Variants in NMNAT2 observed in about 807,000 individuals in gnomAD.
NMNAT2 encodes the protein nicotinamide nucleotide adenylyltransferase 2.
Under a neutral mutation model 41.6 loss-of-function variants are expected in NMNAT2, and 11 were observed. That is an observed-to-expected ratio of 0.26 (90% CI 0.17 to 0.44). The LOEUF (loss-of-function observed/expected upper bound fraction) is 0.44, where lower values mean the gene tolerates loss of function less well. Ranked by LOEUF, NMNAT2 falls within the 20% of genes least tolerant of loss-of-function variation. NMNAT2 has a pLI of 1.00. For synonymous variants in NMNAT2, 148 were observed against 151.2 expected, an observed-to-expected ratio of 0.98 and a Z score of 0.16; for missense variants, 288 against 407.7, an observed-to-expected ratio of 0.71 and a Z score of 2.53.
intron 1 of NMNAT2, among the ~76,000 whole-genome samples, chr1:183,345,726 GC>G (rs1469443180): frequency 7.0e-6 from 1 of 143,168 alleles, no homozygotes; most frequent in Non-Finnish European, 1.5e-5. Flanking sequence ...TCACACTGTT[GC>G]CCAGGCTGGA....
chr1:183,256,381 C>T (rs890027895), intron 10 of NMNAT2, among the ~76,000 whole-genome samples: 2 of 151,884 alleles, frequency 1.3e-5, no homozygotes, highest in Admixed American at 6.6e-5. Context: ...TGCACTCCAG[C>T]CTGGGTGACA....
chr1:183,389,966 A>C (rs1379357196), intron 1 of NMNAT2, among the ~76,000 whole-genome samples: 1 of 151,638 alleles, frequency 6.6e-6, no homozygotes, highest in African/African-American at 2.4e-5. Flanking sequence ...TAAACTCTTA[A>C]CTATCTAAAA....
intron 1 of NMNAT2, among the ~76,000 whole-genome samples, chr1:183,295,883 T>G (rs570690765): frequency 4.0e-4 from 61 of 152,282 alleles, no homozygotes; most frequent in African/African-American, 1.4e-3. Context: ...AGTCTCGCTC[T>G]TGTCCCCTAA....
chr1:183,347,436 A>C (rs1245731278), intron 1 of NMNAT2, among the ~76,000 whole-genome samples: 1 of 152,174 alleles, frequency 6.6e-6, no homozygotes, highest in Non-Finnish European at 1.5e-5. Context: ...AGTCTGGGTG[A>C]CAGAGCAAGA....
chr1:183,261,167 A>G (rs762305553), intron 9 of NMNAT2, 35 bp downstream of exon 9: 3 of 1,608,260 alleles, frequency 1.9e-6, no homozygotes, highest in Non-Finnish European at 2.6e-6. Context: ...GAGAAGGGCC[A>G]TAACACAGAT....
intron 1 of NMNAT2, among the ~76,000 whole-genome samples, chr1:183,369,865 G>A (rs139256985): frequency 5.9e-5 from 9 of 152,122 alleles, no homozygotes; most frequent in African/African-American, 1.7e-4. Context: ...AATGAGAATG[G>A]CACTCTTCTT....
chr1:183,370,830 T>A (rs370505045), intron 1 of NMNAT2, among the ~76,000 whole-genome samples: 3 of 152,340 alleles, frequency 2.0e-5, no homozygotes, highest in Admixed American at 6.5e-5. Context: ...TGAACTTCTG[T>A]CCCTTGACTG....
rs185338013 is a variant in NMNAT2, at chr1:183,319,322, A to T, written c.86-25529T>A. ...CTGGAGGCATTTACACACCAGTCAG[A>T]CTTATAAACACCAGAGAATGACTTA... On this transcript the variant is annotated intron_variant, in intron 1 of 10. Transcript: ENST00000287713. 1.0e-4 allele frequency among the ~76,000 whole-genome samples: 16 copies of T among 152,386 alleles called. No individual in the cohort carries two copies. In the East Asian group the frequency reaches 2.3e-3, roughly 22 times the overall value.
chr1:183,375,265 C>G (rs1437750856), intron 1 of NMNAT2, among the ~76,000 whole-genome samples: 1 of 152,220 alleles, frequency 6.6e-6, no homozygotes, highest in Non-Finnish European at 1.5e-5. Flanking sequence ...CAGTGCTTCC[C>G]TTTATTTATC....
chr1:183,307,572 AGCTGGAATTAC>A (rs1388272621), intron 1 of NMNAT2, among the ~76,000 whole-genome samples: 1 of 151,968 alleles, frequency 6.6e-6, no homozygotes, highest in Non-Finnish European at 1.5e-5. Context: ...CTTACCAAGT[AGCTGGAATTAC>A]AGGCTCCCAC....
At chr1:183,320,154 C>T (rs1012128303) in intron 1 of NMNAT2, among the ~76,000 whole-genome samples, 1 of 152,176 alleles carries the variant, frequency 6.6e-6, no homozygotes, top group Non-Finnish European at 1.5e-5. Context: ...TGAGAATCTT[C>T]TGGGCTTAGA....
At chr1:183,330,633 A>G (rs1399843602) in intron 1 of NMNAT2, among the ~76,000 whole-genome samples, 2 of 152,232 alleles carry the variant, frequency 1.3e-5, no homozygotes, top group Non-Finnish European at 2.9e-5. Context: ...TTGGTGGGCT[A>G]TGCACGCCTC....
chr1:183,287,102 C>A (rs1455303228), intron 4 of NMNAT2, among the ~76,000 whole-genome samples: 1 of 152,086 alleles, frequency 6.6e-6, no homozygotes, highest in Non-Finnish European at 1.5e-5. Flanking sequence ...AACCATATAT[C>A]TGTCTTTTTC....
rs374144957 is a variant in NMNAT2 at position 183,248,891 on chromosome 1, A to AGAGTGT, written c.*3749_*3750insACACTC. ...CTTCTCTCTCTTAGTCCCCTAAAAGAGTGTGTGTGTGTGTGTGTGTGTGTG... is the reference window on the plus strand; with the variant it reads ...CTTCTCTCTCTTAGTCCCCTAAAAGAGAGTGTGTGTGTGTGTGTGTGTGTGTGTGTG... On this transcript the variant is annotated 3_prime_UTR_variant, in exon 11 of 11. Transcript: ENST00000287713. 4.2e-5 allele frequency: 6 copies of AGAGTGT among 142,746 alleles called. No individual in the cohort carries two copies. Among genetic ancestry groups the AGAGTGT allele is most frequent in the African/African-American group, 7.8e-5 (3 of 38,388 alleles). The allele number at this position is 142,746 out of a possible 1,614,324, so 8.8% of individuals were successfully genotyped here. A position where few individuals can be genotyped will look rare whatever the true frequency, so the allele number is the denominator to read the frequency against.
chr1:183,289,304 G>C (rs533850378), intron 4 of NMNAT2, among the ~76,000 whole-genome samples: 14 of 152,318 alleles, frequency 9.2e-5, no homozygotes, highest in South Asian at 6.2e-4. Flanking sequence ...TCTCGCCATC[G>C]GTGGCATTGC....
intron 1 of NMNAT2, among the ~76,000 whole-genome samples, chr1:183,372,080 C>T (rs576116426): frequency 2.4e-4 from 37 of 152,274 alleles, no homozygotes; most frequent in Admixed American, 5.2e-4. Flanking sequence ...TGTACCCAGC[C>T]ATATCTTCTC....
chr1:183,399,627 C>A (rs1250287869), intron 1 of NMNAT2, among the ~76,000 whole-genome samples: 1 of 152,096 alleles, frequency 6.6e-6, no homozygotes, highest in Non-Finnish European at 1.5e-5. Flanking sequence ...AATTTTAGAC[C>A]AATATCCCTG....
intron 8 of NMNAT2, chr1:183,267,228 T>C (rs1660840401): frequency 6.6e-6 from 1 of 152,272 alleles, no homozygotes; most frequent in East Asian, 1.9e-4. Flanking sequence ...GGGGCTAAAG[T>C]TGAACAAGCT....
chr1:183,408,540 T>C (rs2788065), intron 1 of NMNAT2, among the ~76,000 whole-genome samples: 108,169 of 152,054 alleles, frequency 0.71, 38,621 homozygotes, highest in East Asian at 0.91. Flanking sequence ...GTCAATCACC[T>C]TATTTTACAA....
Sources: gnomAD v4.1 joint callset for allele counts (sites outside exome capture counted in the v4.1 genomes callset) on GRCh38, gnomAD v4.1.1 for gene constraint, MANE v1.5 for transcripts, NCBI Gene and HGNC (gene_info 2026-07-23, HGNC 2026-07-21) for gene names.